The following PRRG1 variants were observed in gnomAD, a reference collection of about 807,000 sequenced individuals.
The protein encoded by PRRG1 is transmembrane gamma-carboxyglutamic acid protein 1.
PRRG1 carries 5 observed loss-of-function variants against 11.8 expected under a neutral mutation model. That is an observed-to-expected ratio of 0.42 (90% confidence interval 0.22 to 0.89). The LOEUF (loss-of-function observed/expected upper bound fraction) is 0.89. PRRG1 is among the 40% of genes least tolerant of loss of function. The pLI is 0.28. For missense variants in PRRG1, 155 were observed against 166.1 expected (o/e 0.93, Z 0.37); for synonymous variants, 66 against 60.4 (o/e 1.09, Z -0.43).
intron 1 of PRRG1, among the ~76,000 whole-genome samples, chrX:37,372,049 C>T (rs1930778963): frequency 1.8e-5 from 2 of 112,976 alleles, no homozygotes; most frequent in Non-Finnish European, 3.7e-5. Context: ...GAGGAACCTC[C>T]ATTCTGTTTT....
chrX:37,430,640 T>G (rs180739122), intron 3 of PRRG1, among the ~76,000 whole-genome samples: 81 of 111,940 alleles, frequency 7.2e-4, no homozygotes, highest in African/African-American at 2.6e-3. Flanking sequence ...ACATCTTATT[T>G]GGAAATAATT....
intron 2 of PRRG1, 101 bp downstream of exon 2, chrX:37,406,360 T>G: frequency 3.6e-6 from 3 of 844,791 alleles, no homozygotes; most frequent in Non-Finnish European, 5.1e-6. Context: ...GACACCTAAA[T>G]TGTATTTCTT....
At chrX:37,413,121 A>G (rs1556384298) in intron 2 of PRRG1, among the ~76,000 whole-genome samples, 1 of 111,492 alleles carries the variant, frequency 9.0e-6, no homozygotes, top group East Asian at 2.8e-4. Context: ...ATTTGTTACA[A>G]TCAATGAGAT....
chrX:37,352,837 T>C (rs782028246), intron 1 of PRRG1, among the ~76,000 whole-genome samples: 1 of 111,995 alleles, frequency 8.9e-6, no homozygotes, highest in African/African-American at 3.2e-5. Context: ...TGGTCAACTA[T>C]GGACAACATG....
At chrX:37,422,175 A>C (rs1932677799) in intron 2 of PRRG1, among the ~76,000 whole-genome samples, 1 of 112,103 alleles carries the variant, frequency 8.9e-6, no homozygotes, top group Non-Finnish European at 1.9e-5. Flanking sequence ...GATAGCATAT[A>C]AGAAAGTAAT....
chrX:37,385,966 C>T (rs370444442), intron 1 of PRRG1, among the ~76,000 whole-genome samples: 1 of 109,904 alleles, frequency 9.1e-6, no homozygotes, highest in South Asian at 4.0e-4. Context: ...TTGCTATGTT[C>T]GCCAAGCTTA....
At chrX:37,408,144 G>A (rs138230900) in intron 2 of PRRG1, among the ~76,000 whole-genome samples, 2,120 of 112,029 alleles carry the variant, frequency 0.019, 49 homozygotes, top group African/African-American at 0.065. Flanking sequence ...AGCTTCTAGA[G>A]TAGTGATACG....
intron 1 of PRRG1, among the ~76,000 whole-genome samples, chrX:37,368,941 A>G (rs1556370151): frequency 9.0e-6 from 1 of 111,579 alleles, no homozygotes; most frequent in African/African-American, 3.3e-5. Flanking sequence ...AAATCTTACA[A>G]ATTTCCAGGC....
intron 1 of PRRG1, among the ~76,000 whole-genome samples, chrX:37,365,243 GAA>G (rs1455388380): frequency 2.7e-5 from 3 of 111,459 alleles, no homozygotes; most frequent in Admixed American, 9.5e-5. Flanking sequence ...TTGGGTAAAA[GAA>G]ATAGGGAGAA....
At chrX:37,360,273 G>A (rs1241233733) in intron 1 of PRRG1, among the ~76,000 whole-genome samples, 1 of 111,733 alleles carries the variant, frequency 8.9e-6, no homozygotes, top group African/African-American at 3.2e-5. Flanking sequence ...TTTTTCTAAT[G>A]TATGCATTCA....
Position 37,453,567 on chromosome X carries a change from C to T in PRRG1, c.603C>T (p.Asn201=). ...DPPPEYEDIV[N]SNSASAIPMV... ...CCCCAGAGTATGAGGACATAGTCAA[C>T]TCCAACTCAGCCAGTGCCATTCCTA... The change falls in exon 4 of 4, where the codon AAC becomes AAT. Residue 201 remains asparagine (N), a synonymous_variant. Transcript: ENST00000378628. 1.7e-6 allele frequency: 2 copies of T among 1,206,812 alleles called. No individual in the cohort carries two copies. Among genetic ancestry groups the T allele is most frequent in the Non-Finnish European group, 2.2e-6 (2 of 892,638 alleles).
At chrX:37,361,141 G>T (rs1353612894) in intron 1 of PRRG1, among the ~76,000 whole-genome samples, 2 of 111,733 alleles carry the variant, frequency 1.8e-5, no homozygotes, top group Non-Finnish European at 3.8e-5. Context: ...AGGAGATCAA[G>T]ACCATCCTGG....
chrX:37,397,781 G>C (rs1820449381), intron 1 of PRRG1, among the ~76,000 whole-genome samples: 1 of 110,958 alleles, frequency 9.0e-6, no homozygotes, highest in African/African-American at 3.3e-5. Context: ...CCTGCTTGTA[G>C]AGGGTATGTA....
At chrX:37,432,100 T>TA (rs1556390400) in intron 3 of PRRG1, among the ~76,000 whole-genome samples, 1 of 106,360 alleles carries the variant, frequency 9.4e-6, no homozygotes, top group African/African-American at 3.5e-5. Flanking sequence ...ATGTTTTTTT[T>TA]TTTTTGAGAT....
Position 37,449,999 on chromosome X carries a change from A to G in PRRG1, c.172-3137A>G, listed in dbSNP as rs782372566. Among the ~76,000 whole-genome samples, 5 of 112,924 alleles carry G rather than the reference A, an allele frequency of 4.4e-5. No individual in the cohort carries two copies. In the East Asian group the frequency reaches 1.4e-3, roughly 31 times the overall value. ...CTTCTGACCCTCTGGCCTAAAGGACATATCAGTCTCTTTTCCAAATAAATC... is the reference window on the plus strand; with the variant it reads ...CTTCTGACCCTCTGGCCTAAAGGACGTATCAGTCTCTTTTCCAAATAAATC... On this transcript the variant is annotated intron_variant, in intron 3 of 3. Transcript: ENST00000378628.
chrX:37,431,047 T>C (rs782476738), intron 3 of PRRG1, among the ~76,000 whole-genome samples: 1 of 112,424 alleles, frequency 8.9e-6, no homozygotes, highest in Non-Finnish European at 1.9e-5. Context: ...AGCATAATGC[T>C]CTTGAGATTA....
chrX:37,368,832 T>C (rs1930666555), intron 1 of PRRG1, among the ~76,000 whole-genome samples: 1 of 111,284 alleles, frequency 9.0e-6, no homozygotes. Flanking sequence ...TTTTTTGTAC[T>C]TTTTTTGATA....
intron 1 of PRRG1, among the ~76,000 whole-genome samples, chrX:37,357,615 A>G (rs146358549): frequency 0.01 from 1,150 of 111,946 alleles, 19 homozygotes; most frequent in African/African-American, 0.035. Context: ...TCTGCCCAAG[A>G]CATGAATCAT....
At chrX:37,354,401 T>TA (rs1374373191) in intron 1 of PRRG1, among the ~76,000 whole-genome samples, 3 of 107,641 alleles carry the variant, frequency 2.8e-5, no homozygotes, top group Non-Finnish European at 5.8e-5. Flanking sequence ...TTTTATTTTT[T>TA]TTTTTTATTG....
Sources: allele counts gnomAD v4.1 joint callset (sites outside exome capture counted in the v4.1 genomes callset), GRCh38; gene constraint gnomAD v4.1.1; transcripts MANE v1.5; gene names NCBI Gene and HGNC (gene_info 2026-07-23, HGNC 2026-07-21).